The following GRIK3 variants were observed in gnomAD, a reference collection of about 807,000 sequenced individuals.
The protein encoded by GRIK3 is glutamate ionotropic receptor kainate type subunit 3, also known as glutamate receptor ionotropic, kainate 3.
GRIK3 carries 29 observed loss-of-function variants against 102.5 expected under a neutral mutation model. That is an observed-to-expected ratio of 0.28 (90% CI 0.21 to 0.39). The LOEUF is 0.39. Among genes scored for constraint, GRIK3 ranks in the 10% least tolerant of loss-of-function variants. GRIK3 has a pLI of 1.00. For missense variants in GRIK3, 908 were observed against 1,252.4 expected (o/e 0.73, Z 4.15); for synonymous variants, 511 against 504.9 (o/e 1.01, Z -0.16).
At chr1:36,971,302 G>T (rs1642137209) in intron 1 of GRIK3, among the ~76,000 whole-genome samples, 1 of 152,214 alleles carries the variant, frequency 6.6e-6, no homozygotes, top group South Asian at 2.1e-4. Flanking sequence ...TCAAGAGCTT[G>T]GAGGGGAAAC....
intron 10 of GRIK3, among the ~76,000 whole-genome samples, chr1:36,833,489 C>A (rs969201540): frequency 2.0e-5 from 3 of 152,166 alleles, no homozygotes; most frequent in African/African-American, 4.8e-5. Flanking sequence ...CTGGGCTCCA[C>A]CTTTGGAGCC....
chr1:36,979,573 A>G (rs755834921), intron 1 of GRIK3, among the ~76,000 whole-genome samples: 14 of 152,210 alleles, frequency 9.2e-5, no homozygotes, highest in Non-Finnish European at 8.8e-5. Flanking sequence ...TTAGACACAG[A>G]TGATTGGGTG....
intron 9 of GRIK3, among the ~76,000 whole-genome samples, chr1:36,842,846 G>A (rs1300132426): frequency 6.6e-6 from 1 of 152,198 alleles, no homozygotes; most frequent in Non-Finnish European, 1.5e-5. Context: ...GCCGGCATGA[G>A]AGAAGATCTG....
At chr1:36,908,654 A>C (rs898676146) in intron 1 of GRIK3, among the ~76,000 whole-genome samples, 7 of 152,228 alleles carry the variant, frequency 4.6e-5, no homozygotes, top group Non-Finnish European at 7.3e-5. Context: ...CATAATCTTA[A>C]TCATGATTGC....
chr1:36,870,737 C>T (rs530527997), intron 4 of GRIK3, among the ~76,000 whole-genome samples: 6 of 152,324 alleles, frequency 3.9e-5, no homozygotes, highest in African/African-American at 1.2e-4. Flanking sequence ...GCCTGGATGA[C>T]CTTGGGTCCA....
intron 14 of GRIK3, among the ~76,000 whole-genome samples, 175 bp from the exon 15 acceptor site, chr1:36,805,412 A>G (rs1642488468): frequency 6.6e-6 from 1 of 152,160 alleles, no homozygotes; most frequent in South Asian, 2.1e-4. Context: ...GGTGAGTGGA[A>G]ATGTCCTGTT....
chr1:36,934,213 C>T (rs1396228004), intron 1 of GRIK3, among the ~76,000 whole-genome samples: 1 of 152,166 alleles, frequency 6.6e-6, no homozygotes, highest in East Asian at 1.9e-4. Flanking sequence ...AGTCTGTATC[C>T]AGTCTGTACA....
intron 1 of GRIK3, among the ~76,000 whole-genome samples, chr1:36,989,146 C>T (rs576220939): frequency 7.2e-5 from 11 of 152,324 alleles, no homozygotes; most frequent in African/African-American, 2.4e-4. Context: ...CTTCACATTC[C>T]CGTACACATG....
chr1:36,920,471 G>A (rs1022550370), intron 1 of GRIK3, among the ~76,000 whole-genome samples: 3 of 151,924 alleles, frequency 2.0e-5, no homozygotes, highest in Non-Finnish European at 4.4e-5. Context: ...TTACCATCCC[G>A]GGACCCCCAG....
chr1:36,824,767 C>T (rs1642734937), intron 11 of GRIK3, among the ~76,000 whole-genome samples: 1 of 151,764 alleles, frequency 6.6e-6, no homozygotes, highest in Non-Finnish European at 1.5e-5. Context: ...GCCACCAACC[C>T]GGGGCAGGGG....
intron 7 of GRIK3, among the ~76,000 whole-genome samples, chr1:36,854,931 CA>C (rs1488808994): frequency 6.6e-6 from 1 of 152,154 alleles, no homozygotes; most frequent in African/African-American, 2.4e-5. Flanking sequence ...GAGGCAGAGC[CA>C]AACTAGAACC....
chr1:36,839,946 G>A (rs968368946), intron 10 of GRIK3, among the ~76,000 whole-genome samples: 4 of 152,144 alleles, frequency 2.6e-5, no homozygotes, highest in East Asian at 1.9e-4. Flanking sequence ...GGGCTTAACC[G>A]AAGTCCCTGA....
intron 13 of GRIK3, 145 bp downstream of exon 13, chr1:36,816,915 C>T (rs1642637711): frequency 1.6e-6 from 1 of 631,336 alleles, no homozygotes; most frequent in Admixed American, 2.8e-5. Flanking sequence ...GTCAACTAGT[C>T]CAAACACGGT....
intron 1 of GRIK3, among the ~76,000 whole-genome samples, chr1:37,029,772 T>TAGGCAGCTTGCATTTCTGGAGTGGTTGG (rs1310233307): frequency 7.9e-5 from 12 of 152,156 alleles, no homozygotes; most frequent in Non-Finnish European, 1.3e-4. Flanking sequence ...TAAAAGCCAC[T>TAGGCAGCTTGCATTTCTGGAGTGGTTGG]AGGCAGCTTG....
At chr1:36,895,045 C>T (rs1050995379) in intron 1 of GRIK3, among the ~76,000 whole-genome samples, 15 of 152,178 alleles carry the variant, frequency 9.9e-5, no homozygotes, top group South Asian at 2.1e-4. Context: ...GTGTGTGTTG[C>T]GGGGGAGGTG....
chr1:36,796,174 A>G lies in GRIK3; in HGVS notation c.*5677T>C, dbSNP rs1642362955. On this transcript the variant is annotated 3_prime_UTR_variant, in exon 16 of 16. Transcript: ENST00000373091. The stretch of plus-strand genomic sequence containing the variant: ...CCACCTCAGATATCTCCTCCCCTGC[A>G]TGCTCCAGAGATGCTCAGACCTGCG... 1 of 152,438 alleles carries G rather than the reference A, an allele frequency of 6.6e-6. No individual in the cohort carries two copies. Among genetic ancestry groups the G allele is most frequent in the Admixed American group, 6.5e-5 (1 of 15,286 alleles). 9.4% of individuals were successfully genotyped at this position (152,438 alleles called of 1,614,324 possible). A position where few individuals can be genotyped will look rare whatever the true frequency, so the allele number is the denominator to read the frequency against.
At chr1:36,968,723 G>T (rs1642106715) in intron 1 of GRIK3, among the ~76,000 whole-genome samples, 1 of 152,208 alleles carries the variant, frequency 6.6e-6, no homozygotes, top group South Asian at 2.1e-4. Context: ...GCCAGGACTT[G>T]CTGGGGTCTT....
At chr1:36,901,206 C>T (rs112464269) in intron 1 of GRIK3, among the ~76,000 whole-genome samples, 1,707 of 152,220 alleles carry the variant, frequency 0.011, 30 homozygotes, top group African/African-American at 0.039. Flanking sequence ...TACTCTAATA[C>T]CAAAATCAGA....
intron 1 of GRIK3, among the ~76,000 whole-genome samples, chr1:37,033,505 T>C (rs1642853196): frequency 6.6e-6 from 1 of 151,610 alleles, no homozygotes; most frequent in African/African-American, 2.4e-5. Flanking sequence ...GCTGCCCTCG[T>C]CATGCGAATC....
Sources: allele counts gnomAD v4.1 joint callset (sites outside exome capture counted in the v4.1 genomes callset), GRCh38; gene constraint gnomAD v4.1.1; transcripts MANE v1.5; gene names NCBI Gene and HGNC (gene_info 2026-07-23, HGNC 2026-07-21).